The following CSMD2 variants were observed in gnomAD, a reference collection of about 807,000 sequenced individuals.
CSMD2 encodes CUB and sushi domain-containing protein 2.
Under a neutral mutation model 398.5 loss-of-function variants are expected in CSMD2, and 130 were observed. That is an observed-to-expected ratio of 0.33 (90% CI 0.28 to 0.38). The LOEUF (loss-of-function observed/expected upper bound fraction) is 0.38, where lower values mean the gene tolerates loss of function less well. Ranked by LOEUF, CSMD2 falls within the 10% of genes least tolerant of loss-of-function variation. The pLI, the probability that CSMD2 is intolerant of heterozygous loss-of-function variation, is 1.00. For missense variants in CSMD2, 3,829 were observed against 4,764.9 expected (o/e 0.80, Z 5.78); for synonymous variants, 1,828 against 1,908.5 (o/e 0.96, Z 1.10).
intron 5 of CSMD2, among the ~76,000 whole-genome samples, chr1:33,850,548 C>G (rs568578280): frequency 5.3e-5 from 8 of 152,242 alleles, no homozygotes; most frequent in African/African-American, 7.2e-5. Context: ...TCTTCTCCCC[C>G]CTCCTGACTT....
chr1:33,597,508 C>A (rs1639921074), intron 44 of CSMD2, among the ~76,000 whole-genome samples: 1 of 152,220 alleles, frequency 6.6e-6, no homozygotes, highest in Non-Finnish European at 1.5e-5. Flanking sequence ...CTCAGTAACA[C>A]AGGAAAGGAT....
At chr1:34,091,056 T>C (rs1250847671) in intron 1 of CSMD2, among the ~76,000 whole-genome samples, 1 of 152,170 alleles carries the variant, frequency 6.6e-6, no homozygotes, top group East Asian at 1.9e-4. Flanking sequence ...GTGTCCTTCC[T>C]TGGTCAGGTC....
In CSMD2 at chr1:33,580,681, C is replaced by T. The variant is rs188113119; in HGVS notation, c.7387+72G>A. 4.9e-5 allele frequency: 76 copies of T among 1,549,526 alleles called. 1 individual carries two copies. The highest frequency in any genetic ancestry group is 4.8e-4 in the South Asian group (40 of 83,266). On this transcript the variant is annotated intron_variant, in intron 48 of 70. Transcript: ENST00000373381. ...CAGATTTAGGAGGGGAATGGCCGCC[C>T]GGTCTCCACAGAGGAGCTTGAGGCT...
chr1:33,941,196 A>T (rs1030776217), intron 3 of CSMD2, among the ~76,000 whole-genome samples: 1 of 152,186 alleles, frequency 6.6e-6, no homozygotes. Flanking sequence ...TGTCTCTTCT[A>T]CAAAGCCCGA....
At chr1:34,134,967 T>C (rs1294949110) in intron 1 of CSMD2, among the ~76,000 whole-genome samples, 1 of 152,110 alleles carries the variant, frequency 6.6e-6, no homozygotes, top group Non-Finnish European at 1.5e-5. Context: ...CCGGAGAACT[T>C]GTTAGAAATT....
intron 2 of CSMD2, among the ~76,000 whole-genome samples, chr1:34,060,651 CTTT>C (rs112747275): frequency 1.4e-5 from 2 of 144,662 alleles, no homozygotes; most frequent in African/African-American, 5.0e-5. Context: ...TCCCTGTTTC[CTTT>C]TTTTTTTTTT....
rs889452310 is a variant in CSMD2 at position 33,657,947 on chromosome 1, G to A, written c.4446C>T (p.Ile1482=). 20 of 1,612,438 alleles carry A rather than the reference G, an allele frequency of 1.2e-5. No homozygotes were observed. The highest frequency in any genetic ancestry group is 4.5e-5 in the East Asian group (2 of 44,854). The change falls in exon 27 of 71, where the codon ATC becomes ATT. Residue 1482 remains isoleucine, a splice_region_variant and synonymous_variant. Transcript: ENST00000373381. ...GTGCACCCTGCAGCTGCTTTGTACC[G>A]ATGCATGTTGGCGGGCTGGGCTGCC... The part of the protein sequence containing the change: ...FFWQPSPPTC[I]APCGGDLTGP...
At chr1:34,101,463 T>C (rs1167521886) in intron 1 of CSMD2, among the ~76,000 whole-genome samples, 1 of 152,198 alleles carries the variant, frequency 6.6e-6, no homozygotes, top group Non-Finnish European at 1.5e-5. Context: ...ACAATATCCT[T>C]TCTAGGAAAT....
intron 10 of CSMD2, among the ~76,000 whole-genome samples, chr1:33,793,037 C>T (rs1654510995): frequency 6.6e-6 from 1 of 152,212 alleles, no homozygotes; most frequent in African/African-American, 2.4e-5. Flanking sequence ...TTGTTTTAAT[C>T]CTGCCTTCCA....
Position 34,153,924 on chromosome 1 carries a change from C to T in CSMD2, c.187+10987G>A, listed in dbSNP as rs534837775. ...ATCAAAAGGAAGCATTTCTGTCCAA[C>T]GAAAGCTGCCATATGCCAAATAGAT... On this transcript the variant is annotated intron_variant, in intron 1 of 70. Transcript: ENST00000373381. Among the ~76,000 whole-genome samples the T allele has an allele frequency of 7.9e-5, 12 of 152,226 alleles. No individual in the cohort carries two copies. In the East Asian group the frequency reaches 1.7e-3, roughly 22 times the overall value.
At chr1:33,860,891 G>A (rs763184712) in intron 5 of CSMD2, 1 of 152,224 alleles carries the variant, frequency 6.6e-6, no homozygotes, top group African/African-American at 2.4e-5. Flanking sequence ...GGGTCATGAG[G>A]TCAGTCTGTG....
chr1:33,717,505 T>A (rs2149178901), intron 19 of CSMD2, among the ~76,000 whole-genome samples: 2 of 151,998 alleles, frequency 1.3e-5, no homozygotes, highest in South Asian at 2.1e-4. Context: ...AGGATGGTGA[T>A]GTCTTCTGTT....
intron 7 of CSMD2, among the ~76,000 whole-genome samples, chr1:33,822,107 G>A (rs894613868): frequency 3.3e-5 from 5 of 152,130 alleles, no homozygotes; most frequent in Admixed American, 6.5e-5. Context: ...GGTGAGACCC[G>A]CTGGCTCAAA....
intron 13 of CSMD2, among the ~76,000 whole-genome samples, chr1:33,749,188 C>T (rs930348408): frequency 6.6e-6 from 1 of 151,222 alleles, no homozygotes; most frequent in East Asian, 1.9e-4. Flanking sequence ...GGCTCCACCC[C>T]CCCAGGTTCA....
At chr1:33,536,182 C>A (rs1296807613) in intron 62 of CSMD2, among the ~76,000 whole-genome samples, 7 of 152,176 alleles carry the variant, frequency 4.6e-5, no homozygotes, top group African/African-American at 2.4e-5. Flanking sequence ...CTGGACTCCA[C>A]CTAATTGTCC....
In CSMD2 at chr1:33,540,578, A is replaced by G; in HGVS notation, c.9578T>C (p.Val3193Ala). The change falls in exon 60 of 71, where the codon GTG becomes GCG. Residue 3193 changes from valine (V) to alanine (A), a missense_variant. Around this residue, in one of 5 missense-constraint regions of CSMD2, gnomAD observed 917 missense variants for 1,199.5 expected, o/e 0.76. Coordinates refer to ENST00000373381, the MANE Select transcript of CSMD2 (RefSeq NM_001281956.2). ...LEGYQLSLPA[V>A]FTCEGNGSWT... The stretch of plus-strand genomic sequence containing the variant: ...GGACCCATTTCCCTCACAGGTGAAC[A>G]CCGCGGGCAGGGAGAGCTGGTACCC... The G allele has an allele frequency of 6.2e-7, 1 of 1,614,154 alleles. No homozygotes were observed. The highest frequency in any genetic ancestry group is 2.2e-5 in the East Asian group (1 of 44,876).
intron 26 of CSMD2, among the ~76,000 whole-genome samples, chr1:33,662,682 T>A (rs931482571): frequency 1.2e-4 from 19 of 152,210 alleles, no homozygotes; most frequent in African/African-American, 4.6e-4. Flanking sequence ...TACCTATTTG[T>A]ATGTGTCTAT....
rs1417397499 is a variant in CSMD2, at chr1:34,163,191, C to T, written c.187+1720G>A. Among the ~76,000 whole-genome samples, 4 of 152,264 alleles carry T rather than the reference C, an allele frequency of 2.6e-5. No homozygotes were observed. The highest frequency in any genetic ancestry group is 9.6e-5 in the African/African-American group (4 of 41,474). On this transcript the variant is annotated intron_variant, in intron 1 of 70. Coordinates refer to ENST00000373381, the MANE Select transcript of CSMD2 (RefSeq NM_001281956.2). The surrounding 1 kb of genome is among the most constrained non-coding windows in gnomAD (Gnocchi z 5.4). ...TCAGCTAAGCCAGAGACCGGCCTCGCCTCAACGTACGTCCGGGAGGCCTGG... is the reference window on the plus strand; with the variant it reads ...TCAGCTAAGCCAGAGACCGGCCTCGTCTCAACGTACGTCCGGGAGGCCTGG...
At chr1:34,108,577 T>A (rs1660749453) in intron 1 of CSMD2, among the ~76,000 whole-genome samples, 1 of 152,152 alleles carries the variant, frequency 6.6e-6, no homozygotes, top group African/African-American at 2.4e-5. Flanking sequence ...CCAATGGGGA[T>A]GCCTGTCCAA....
Sources: allele counts gnomAD v4.1 joint callset (sites outside exome capture counted in the v4.1 genomes callset), GRCh38; gene constraint gnomAD v4.1.1; regional missense constraint gnomAD v4.1.1; non-coding constraint Gnocchi (gnomAD v3.1); transcripts MANE v1.5; gene names NCBI Gene and HGNC (gene_info 2026-07-23, HGNC 2026-07-21).